The following MDGA2 variants were observed in gnomAD, a reference collection of about 807,000 sequenced individuals.
The protein encoded by MDGA2 is MAM domain containing glycosylphosphatidylinositol anchor 2.
MDGA2 carries 40 observed loss-of-function variants against 117.8 expected under a neutral mutation model. The observed-to-expected ratio is 0.34, with a 90% confidence interval of 0.26 to 0.44. The LOEUF (loss-of-function observed/expected upper bound fraction) is 0.44. Among genes scored for constraint, MDGA2 ranks in the 20% least tolerant of loss-of-function variants. The probability of loss-of-function intolerance (pLI) is 1.00; values close to 1 mark genes in which losing one functional copy is unlikely to be tolerated. For missense variants in MDGA2, 1,123 were observed against 1,250.6 expected (o/e 0.90, Z 1.54); for synonymous variants, 452 against 439.0 (o/e 1.03, Z -0.37).
At chr14:47,220,435 T>G (rs532365702) in intron 2 of MDGA2, among the ~76,000 whole-genome samples, 56 of 152,318 alleles carry the variant, frequency 3.7e-4, no homozygotes, top group African/African-American at 1.3e-3. Context: ...AGCCATCCAT[T>G]TAGCCACATT....
At chr14:47,296,436 G>A (rs1022993095) in intron 2 of MDGA2, among the ~76,000 whole-genome samples, 3 of 152,134 alleles carry the variant, frequency 2.0e-5, no homozygotes, top group South Asian at 4.1e-4. Context: ...TATATTTGTC[G>A]TCACAAGTCT....
intron 1 of MDGA2, among the ~76,000 whole-genome samples, chr14:47,491,379 T>C (rs185757421): frequency 6.6e-6 from 1 of 152,208 alleles, no homozygotes; most frequent in East Asian, 1.9e-4. Context: ...ATTTTAAAGA[T>C]TTCCTTTCCT....
At chr14:47,142,758 CTT>C (rs1882777429) in intron 4 of MDGA2, among the ~76,000 whole-genome samples, 1 of 152,236 alleles carries the variant, frequency 6.6e-6, no homozygotes, top group Admixed American at 6.5e-5. Context: ...GCAGAGAACA[CTT>C]AGTATCATAG....
At chr14:47,514,009 T>G (rs1452237515) in intron 1 of MDGA2, among the ~76,000 whole-genome samples, 2 of 152,128 alleles carry the variant, frequency 1.3e-5, no homozygotes, top group Non-Finnish European at 2.9e-5. Context: ...TTATGTAGAA[T>G]GTAGTGACAC....
intron 8 of MDGA2, among the ~76,000 whole-genome samples, chr14:47,027,337 T>C (rs1454584341): frequency 6.6e-6 from 1 of 152,088 alleles, no homozygotes; most frequent in Admixed American, 6.6e-5. Context: ...TAGCTGACAA[T>C]ATCAATAAAA....
chr14:47,491,773 G>A (rs997687471), intron 1 of MDGA2, among the ~76,000 whole-genome samples: 5 of 149,702 alleles, frequency 3.3e-5, no homozygotes, highest in East Asian at 2.0e-4. Context: ...TTACGTGTAC[G>A]CCACGGTAGT....
intron 8 of MDGA2, among the ~76,000 whole-genome samples, chr14:47,018,117 T>C (rs1888148405): frequency 1.3e-5 from 2 of 151,018 alleles, no homozygotes; most frequent in African/African-American, 2.4e-5. Flanking sequence ...TGTGGAAATA[T>C]CATAATTTTT....
chr14:47,634,283 T>C (rs1160578338), intron 1 of MDGA2, among the ~76,000 whole-genome samples: 1 of 152,114 alleles, frequency 6.6e-6, no homozygotes, highest in African/African-American at 2.4e-5. Flanking sequence ...ATTAGTTATA[T>C]CATAAGCACT....
chr14:47,155,868 TTTCTTTTC>T (rs1380150458), intron 3 of MDGA2, among the ~76,000 whole-genome samples: 9 of 149,948 alleles, frequency 6.0e-5, no homozygotes, highest in Non-Finnish European at 4.4e-5. Flanking sequence ...TTACAATTCT[TTTCTTTTC>T]TTCTTCTTCT....
intron 5 of MDGA2, 61 bp downstream of exon 5, chr14:47,131,653 G>C (rs549709698): frequency 2.4e-5 from 32 of 1,336,510 alleles, no homozygotes; most frequent in African/African-American, 1.2e-4. Context: ...AAAAGTTAAA[G>C]AGAGTTTTTA....
rs530027025 is a variant in MDGA2 at position 47,658,483 on chromosome 14, G to A, written c.280+16034C>T. The stretch of plus-strand genomic sequence containing the variant: ...AGAGGAATGATGAGTATCAGACACG[G>A]TTCTGAGACCAGACATAAGGGCTGG... On this transcript the variant is annotated intron_variant, in intron 1 of 16. Transcript: ENST00000399232. Among the ~76,000 whole-genome samples the A allele has an allele frequency of 2.6e-5, 4 of 152,216 alleles. No homozygotes were observed. In the South Asian group the frequency reaches 6.2e-4, roughly 24 times the overall value.
chr14:46,904,160 T>C (rs560674773), intron 10 of MDGA2, among the ~76,000 whole-genome samples: 21 of 151,990 alleles, frequency 1.4e-4, no homozygotes, highest in African/African-American at 5.1e-4. Context: ...GGTCAGGAGT[T>C]CAAGACCAGC....
chr14:47,398,264 A>T (rs1892058404), intron 1 of MDGA2, among the ~76,000 whole-genome samples: 1 of 152,124 alleles, frequency 6.6e-6, no homozygotes, highest in South Asian at 2.1e-4. Context: ...AAAAATACTG[A>T]AGTATAGAAA....
chr14:47,371,505 T>G (rs1011692698), intron 1 of MDGA2, among the ~76,000 whole-genome samples: 1 of 151,816 alleles, frequency 6.6e-6, no homozygotes, highest in African/African-American at 2.4e-5. Context: ...CAGGCACATT[T>G]TTATATTCTG....
At chr14:47,521,181 C>T (rs1894859750) in intron 1 of MDGA2, among the ~76,000 whole-genome samples, 2 of 152,134 alleles carry the variant, frequency 1.3e-5, no homozygotes, top group Admixed American at 1.3e-4. Context: ...GCATCTTAGT[C>T]ATTGGTTCAA....
chr14:46,986,841 T>C (rs1416010486), intron 8 of MDGA2, among the ~76,000 whole-genome samples: 1 of 152,106 alleles, frequency 6.6e-6, no homozygotes, highest in Non-Finnish European at 1.5e-5. Context: ...GTGTGTCTGA[T>C]TTTCTATCAG....
intron 6 of MDGA2, among the ~76,000 whole-genome samples, chr14:47,081,990 A>G (rs761562688): frequency 1.3e-5 from 2 of 152,104 alleles, no homozygotes; most frequent in Non-Finnish European, 2.9e-5. Flanking sequence ...TCCTTTAACT[A>G]TAGATGTTTA....
At chr14:47,338,050 C>A (rs988655980) in intron 1 of MDGA2, among the ~76,000 whole-genome samples, 6 of 151,920 alleles carry the variant, frequency 3.9e-5, no homozygotes, top group Non-Finnish European at 8.8e-5. Context: ...TGCAACAGAA[C>A]GATTTTGTTC....
chr14:47,454,156 T>C (rs761118513), intron 1 of MDGA2, among the ~76,000 whole-genome samples: 3 of 152,050 alleles, frequency 2.0e-5, no homozygotes, highest in Non-Finnish European at 4.4e-5. Context: ...CTTTGTTCTT[T>C]AGGCTGCTGA....
Sources: gnomAD v4.1 joint callset for allele counts (sites outside exome capture counted in the v4.1 genomes callset) on GRCh38, gnomAD v4.1.1 for gene constraint, MANE v1.5 for transcripts, NCBI Gene and HGNC (gene_info 2026-07-23, HGNC 2026-07-21) for gene names.